The following ITGAE variants were observed in gnomAD, a reference collection of about 807,000 sequenced individuals.
The protein encoded by ITGAE is integrin subunit alpha E.
Under a neutral mutation model 136.5 loss-of-function variants are expected in ITGAE, and 99 were observed. The observed-to-expected ratio is 0.73, with a 90% CI of 0.62 to 0.86. The LOEUF (loss-of-function observed/expected upper bound fraction) is 0.86. ITGAE is among the 40% of genes least tolerant of loss of function. The probability of loss-of-function intolerance (pLI) is 0.00; values close to 1 mark genes in which losing one functional copy is unlikely to be tolerated. For missense variants in ITGAE, 1,447 were observed against 1,515.3 expected (o/e 0.95, Z 0.75); for synonymous variants, 613 against 591.8 (o/e 1.04, Z -0.52).
rs776774434 is a variant in ITGAE at position 3,762,475 on chromosome 17, G to A, written c.248-493C>T. Among the ~76,000 whole-genome samples, 41 of 151,868 alleles carry A rather than the reference G, an allele frequency of 2.7e-4. 1 individual carries two copies. The highest frequency in any genetic ancestry group is 6.2e-4 in the South Asian group (3 of 4,804). ...GGGCAGAAATGGTAGCTCCTTCCTCGTCCTCCCCACTGTCAGCCTCAGGAT... is the reference window on the plus strand; with the variant it reads ...GGGCAGAAATGGTAGCTCCTTCCTCATCCTCCCCACTGTCAGCCTCAGGAT... On this transcript the variant is annotated intron_variant, in intron 3 of 30. Coordinates refer to ENST00000263087, the MANE Select transcript of ITGAE (RefSeq NM_002208.5).
Position 3,783,967 on chromosome 17 carries a change from T to C in ITGAE, c.35-6307A>G, listed in dbSNP as rs140721765. ...TTAATTAAGCCTTTTACGTCAACTA[T>C]AAAAGCAGACCAGCGGGGCGCGGCG... On this transcript the variant is annotated intron_variant, in intron 1 of 30. Coordinates refer to ENST00000263087, the MANE Select transcript of ITGAE (RefSeq NM_002208.5). Among the ~76,000 whole-genome samples, 7 of 152,338 alleles carry C rather than the reference T, an allele frequency of 4.6e-5. No individual in the cohort carries two copies. The East Asian group carries it at 1.2e-3, about 25-fold the overall frequency.
chr17:3,778,595 T>C (rs1288201103), intron 1 of ITGAE, among the ~76,000 whole-genome samples: 1 of 152,126 alleles, frequency 6.6e-6, no homozygotes, highest in African/African-American at 2.4e-5. Context: ...TTATGCTGAG[T>C]GACAGAAGCC....
chr17:3,756,606 TG>T (rs1177839740), intron 10 of ITGAE, among the ~76,000 whole-genome samples: 1 of 152,158 alleles, frequency 6.6e-6, no homozygotes, highest in Non-Finnish European at 1.5e-5. Flanking sequence ...GATTTCACCA[TG>T]TTGGCCAGGC....
At chr17:3,750,925 G>A (rs2051849250) in intron 15 of ITGAE, among the ~76,000 whole-genome samples, 1 of 152,074 alleles carries the variant, frequency 6.6e-6, no homozygotes, top group Non-Finnish European at 1.5e-5. Flanking sequence ...AAGCTGGGTG[G>A]GCTGGGAGTG....
In ITGAE at chr17:3,753,496, C is replaced by A. The variant is rs1485781153; in HGVS notation, c.1528-66G>T. The A allele has an allele frequency of 4.5e-6, 7 of 1,564,124 alleles. No individual in the cohort carries two copies. The African/African-American group carries it at 9.6e-5, about 21-fold the overall frequency. On this transcript the variant is annotated intron_variant, in intron 13 of 30. Transcript: ENST00000263087. Reference sequence around the variant, plus strand: ...CCTGCACCCCTCAGCAAGGCTACACCCCTGCCCGCGTGCTTCCTGGACCAC... The same window carrying A: ...CCTGCACCCCTCAGCAAGGCTACACACCTGCCCGCGTGCTTCCTGGACCAC...
At chr17:3,745,737 G>T in intron 18 of ITGAE, 27 bp downstream of exon 18, 2 of 1,610,266 alleles carry the variant, frequency 1.2e-6, no homozygotes, top group Non-Finnish European at 1.7e-6. Context: ...GACCCCTCCT[G>T]ACTCCCATCC....
Position 3,714,743 on chromosome 17 carries a change from C to T in ITGAE, c.*104G>A. On this transcript the variant is annotated 3_prime_UTR_variant, in exon 31 of 31. Coordinates refer to ENST00000263087, the MANE Select transcript of ITGAE (RefSeq NM_002208.5). Reference sequence around the variant, plus strand: ...TTAAAAACTAATATTCTACCAACAGCTCCATGCTGCTCTAGATCATCCTGA... The same window carrying T: ...TTAAAAACTAATATTCTACCAACAGTTCCATGCTGCTCTAGATCATCCTGA... The T allele has an allele frequency of 1.5e-6, 1 of 646,850 alleles. No homozygotes were observed. The highest frequency in any genetic ancestry group is 2.9e-5 in the Admixed American group (1 of 34,700). 40.1% of individuals were successfully genotyped at this position (646,850 alleles called of 1,614,324 possible).
chr17:3,797,874 C>G (rs191350065), intron 1 of ITGAE, among the ~76,000 whole-genome samples: 4 of 152,186 alleles, frequency 2.6e-5, no homozygotes, highest in African/African-American at 7.2e-5. Context: ...CCTCCCCTCT[C>G]CCCCAGATTC....
At chr17:3,724,897 G>A (rs1742124924) in intron 26 of ITGAE, 1 of 1,613,512 alleles carries the variant, frequency 6.2e-7, no homozygotes, top group Middle Eastern at 1.7e-4. Flanking sequence ...GTTCCCAAGG[G>A]CCGCATTGTG....
At chr17:3,788,146 A>G (rs576375182) in intron 1 of ITGAE, among the ~76,000 whole-genome samples, 1 of 147,640 alleles carries the variant, frequency 6.8e-6, no homozygotes, top group South Asian at 2.1e-4. Context: ...TCTTTTATCA[A>G]TTTGTGTTGC....
chr17:3,746,793 G>A (rs1170084796), intron 17 of ITGAE, among the ~76,000 whole-genome samples: 4 of 150,884 alleles, frequency 2.7e-5, no homozygotes, highest in East Asian at 2.0e-4. Context: ...GGGTTTCACC[G>A]TGTTAGCCAG....
intron 1 of ITGAE, among the ~76,000 whole-genome samples, chr17:3,796,691 A>G (rs1381076390): frequency 6.6e-6 from 1 of 150,780 alleles, no homozygotes; most frequent in Admixed American, 6.6e-5. Flanking sequence ...AGCTGTCCCC[A>G]GCCACGGAGG....
In ITGAE at chr17:3,763,977, G is replaced by A. The variant is rs1350502524; in HGVS notation, c.156-17C>T. ...ACCAGGAGCCTGAGTGGGAGGGGAG[G>A]TTGCAAAGCTGAGCTGGCTGATGTT... On this transcript the variant is annotated splice_polypyrimidine_tract_variant and intron_variant, in intron 2 of 30. Coordinates refer to ENST00000263087, the MANE Select transcript of ITGAE (RefSeq NM_002208.5). The A allele has an allele frequency of 1.9e-6, 3 of 1,585,006 alleles. No homozygotes were observed. The highest frequency in any genetic ancestry group is 2.6e-6 in the Non-Finnish European group (3 of 1,155,828).
chr17:3,777,536 T>C lies in ITGAE; in HGVS notation c.155+4A>G. The C allele has an allele frequency of 1.9e-6, 3 of 1,607,290 alleles. No homozygotes were observed. In the South Asian group the frequency reaches 3.3e-5, roughly 18 times the overall value. On this transcript the variant is annotated splice_donor_region_variant and intron_variant, in intron 2 of 30. Transcript: ENST00000263087. ...AAGGCCTCTTGCCCACCGGCCCTAC[T>C]CACCAGGTCTGGTTGGTGCTGGGGT...
At chr17:3,790,227 C>T in intron 1 of ITGAE, among the ~76,000 whole-genome samples, 1 of 152,180 alleles carries the variant, frequency 6.6e-6, no homozygotes, top group Non-Finnish European at 1.5e-5. Context: ...AAAAGAAGGG[C>T]CAGGCACAGT....
chr17:3,745,244 C>T (rs893793765), intron 18 of ITGAE, among the ~76,000 whole-genome samples: 6 of 151,982 alleles, frequency 3.9e-5, no homozygotes, highest in African/African-American at 9.7e-5. Flanking sequence ...GGTCTGATAA[C>T]GCATGCCAAG....
intron 1 of ITGAE, among the ~76,000 whole-genome samples, chr17:3,797,158 T>TA (rs1491339983): frequency 0.08 from 339 of 4,212 alleles, 1 homozygote; most frequent in Admixed American, 0.16. Context: ...TATATATATA[T>TA]TTTTTTTTTT....
At chr17:3,729,688 G>A (rs753459304) in intron 23 of ITGAE, 133 bp from the exon 24 acceptor site, 178 of 676,430 alleles carry the variant, frequency 2.6e-4, no homozygotes, top group Middle Eastern at 3.9e-4. Context: ...TCCGCCCCCC[G>A]GGTTCAAGCA....
At chr17:3,785,719 T>C (rs2052777323) in intron 1 of ITGAE, among the ~76,000 whole-genome samples, 1 of 150,154 alleles carries the variant, frequency 6.7e-6, no homozygotes, top group South Asian at 2.1e-4. Context: ...CAACTTACAG[T>C]AGAGAAAACT....
Sources: gnomAD v4.1 joint callset for allele counts (sites outside exome capture counted in the v4.1 genomes callset) on GRCh38, gnomAD v4.1.1 for gene constraint, MANE v1.5 for transcripts, NCBI Gene and HGNC (gene_info 2026-07-23, HGNC 2026-07-21) for gene names.